The following STOX2 variants were observed in gnomAD, a reference collection of about 807,000 sequenced individuals.
STOX2 encodes the protein storkhead-box protein 2.
STOX2 carries 28 observed loss-of-function variants against 60.9 expected under a neutral mutation model. The ratio of observed to expected loss-of-function variants is 0.46; its 90% CI spans 0.34 to 0.63. The LOEUF (loss-of-function observed/expected upper bound fraction) is 0.63. Ranked by LOEUF, STOX2 falls within the 30% of genes least tolerant of loss-of-function variation. STOX2 has a pLI of 0.01. For missense variants in STOX2, 1,024 were observed against 1,187.7 expected (o/e 0.86, Z 2.03); for synonymous variants, 472 against 463.9 (o/e 1.02, Z -0.22).
intron 1 of STOX2, among the ~76,000 whole-genome samples, chr4:183,802,922 G>T (rs1254778689): frequency 6.6e-6 from 1 of 152,062 alleles, no homozygotes; most frequent in Non-Finnish European, 1.5e-5. Flanking sequence ...CACCCGGCCC[G>T]TATCAGTCCA....
intron 1 of STOX2, among the ~76,000 whole-genome samples, chr4:183,939,551 A>G (rs1394411038): frequency 2.6e-5 from 4 of 152,000 alleles, no homozygotes; most frequent in African/African-American, 9.7e-5. Flanking sequence ...TAGGACTTAG[A>G]TGTACGCTTT....
In STOX2 at chr4:183,806,886, G is replaced by T. The variant is rs1184500918; in HGVS notation, c.364+8831G>T. 3.9e-5 allele frequency among the ~76,000 whole-genome samples: 6 copies of T among 152,120 alleles called. No individual in the cohort carries two copies. Among genetic ancestry groups the T allele is most frequent in the Non-Finnish European group, 1.5e-5 (1 of 68,012 alleles). On this transcript the variant is annotated intron_variant, in intron 1 of 2. Coordinates refer to the STOX2 transcript ENST00000513034. The surrounding 1 kb of genome is among the most constrained non-coding windows in gnomAD (Gnocchi z 4.1). ...GTCTTCAGAGATTCCAGACTCCCCC[G>T]CATGCACTGCCCCCACGGCCCCACA...
In STOX2 at chr4:183,892,559, C is replaced by T. The variant is rs897673438; in HGVS notation, c.364+94504C>T. On this transcript the variant is annotated intron_variant, in intron 1 of 2. Coordinates refer to the STOX2 transcript ENST00000513034. ...CTTCCCAAAGTGCTGGGATTACAGG[C>T]GTGAGCCACCGCGCCCGGCCCATTC... Among the ~76,000 whole-genome samples the T allele has an allele frequency of 5.9e-5, 9 of 152,324 alleles. No individual in the cohort carries two copies. The South Asian group carries it at 6.2e-4, about 11-fold the overall frequency.
intron 3 of STOX2, among the ~76,000 whole-genome samples, chr4:184,012,160 G>A (rs1347089522): frequency 6.6e-6 from 1 of 152,250 alleles, no homozygotes; most frequent in Non-Finnish European, 1.5e-5. Context: ...TCAAGAGTTA[G>A]TGGTGCCCAG....
rs1162354132 is a variant in STOX2, at chr4:183,923,036, G to A, written c.166+16080G>A. On this transcript the variant is annotated intron_variant, in intron 1 of 3. Coordinates refer to ENST00000308497, the MANE Select transcript of STOX2 (RefSeq NM_020225.3). ...TTTGTTTATTCATTCACCTGTTGATGGACATTTGAGTTCCCACTATTTTGC... is the reference window on the plus strand; with the variant it reads ...TTTGTTTATTCATTCACCTGTTGATAGACATTTGAGTTCCCACTATTTTGC... 4.6e-5 allele frequency among the ~76,000 whole-genome samples: 7 copies of A among 152,176 alleles called. No individual in the cohort carries two copies. In the East Asian group the frequency reaches 1.3e-3, roughly 29 times the overall value.
intron 1 of STOX2, among the ~76,000 whole-genome samples, chr4:183,847,611 G>A (rs542253865): frequency 6.6e-6 from 1 of 152,238 alleles, no homozygotes; most frequent in South Asian, 2.1e-4. Flanking sequence ...CAAGAAAGTG[G>A]GTTGCTGTCT....
At chr4:183,877,847 A>T (rs1352724032) in intron 1 of STOX2, among the ~76,000 whole-genome samples, 1 of 149,358 alleles carries the variant, frequency 6.7e-6, no homozygotes, top group African/African-American at 2.5e-5. Context: ...CACCTGACTA[A>T]TTTTTTTTTT....
rs899232004 is a variant in STOX2, at chr4:184,020,794, A to T, written c.*3510A>T. 1 of 152,198 alleles carries T rather than the reference A, an allele frequency of 6.6e-6. No homozygotes were observed. The highest frequency in any genetic ancestry group is 2.4e-5 in the African/African-American group (1 of 41,452). The allele number at this position is 152,198 out of a possible 1,614,324, so 9.4% of individuals were successfully genotyped here. A position where few individuals can be genotyped will look rare whatever the true frequency, so the allele number is the denominator to read the frequency against. ...TGATGTTGTGAAGGTCAGGTTCAGG[A>T]AGCATCAATTCACAGTTAATCCGGA... On this transcript the variant is annotated 3_prime_UTR_variant, in exon 4 of 4. Transcript: ENST00000308497.
intron 1 of STOX2, among the ~76,000 whole-genome samples, chr4:183,823,619 T>C (rs1369627872): frequency 1.3e-5 from 2 of 152,194 alleles, no homozygotes; most frequent in Non-Finnish European, 2.9e-5. Flanking sequence ...AGTCACCAGA[T>C]GTCTGGCCCA....
intron 1 of STOX2, among the ~76,000 whole-genome samples, chr4:183,858,545 A>G (rs1196101615): frequency 6.6e-5 from 10 of 152,154 alleles, no homozygotes; most frequent in African/African-American, 2.4e-4. Flanking sequence ...AAAGTTACCC[A>G]AGTGGTTCAT....
intron 1 of STOX2, among the ~76,000 whole-genome samples, chr4:183,895,839 A>G (rs565291630): frequency 6.6e-6 from 1 of 152,324 alleles, no homozygotes; most frequent in South Asian, 2.1e-4. Flanking sequence ...TGCATTATTA[A>G]TACAATGAGG....
chr4:183,959,350 G>GGTGATATTC lies in STOX2; in HGVS notation c.167-41970_167-41962dup, dbSNP rs529548500. Among the ~76,000 whole-genome samples the GGTGATATTC allele has an allele frequency of 2.4e-4, 37 of 152,242 alleles. No individual in the cohort carries two copies. In the South Asian group the frequency reaches 4.4e-3, roughly 18 times the overall value. On this transcript the variant is annotated intron_variant, in intron 1 of 3. Transcript: ENST00000308497. ...GGGCGGAAGGGGGGGTTTTCAAAAAGGTGATATTCGTGAGGCAGCCATCGC... is the reference window on the plus strand; with the variant it reads ...GGGCGGAAGGGGGGGTTTTCAAAAAGGTGATATTCGTGATATTCGTGAGGCAGCCATCGC...
At position 183,798,032 on chromosome 4, in the gene STOX2, C is replaced by G; in HGVS notation, c.341C>G (p.Ser114Trp). 7.3e-6 allele frequency: 9 copies of G among 1,230,050 alleles called. 1 individual carries two copies. Among genetic ancestry groups the G allele is most frequent in the Non-Finnish European group, 9.1e-6 (9 of 986,954 alleles). The allele number at this position is 1,230,050 out of a possible 1,614,324, so 76.2% of individuals were successfully genotyped here. Residue 114 changes from serine (S) to tryptophan (W), a missense_variant, in exon 1 of 3, where the codon TCG becomes TGG. Transcript: ENST00000513034. ...ACGCGCCGGGCCCTGCGGCCGCCCT[C>G]GGGCTTCCACATCCGCTGCCTGGGT...
intron 1 of STOX2, among the ~76,000 whole-genome samples, chr4:183,891,306 ATATCTATGATGGAATATATATATC>A (rs1369846997): frequency 5.0e-4 from 5 of 9,948 alleles, no homozygotes; most frequent in Non-Finnish European, 2.1e-3. Flanking sequence ...ATATATATAT[ATATCTATGATGGAATATATATATC>A]TATGATGGAA....
intron 1 of STOX2, among the ~76,000 whole-genome samples, chr4:183,874,610 G>A (rs1211780013): frequency 6.9e-6 from 1 of 145,312 alleles, no homozygotes; most frequent in Non-Finnish European, 1.5e-5. Context: ...TGTAGAACAG[G>A]GCACTTATAT....
chr4:183,908,833 A>G (rs1741698288), intron 1 of STOX2, among the ~76,000 whole-genome samples: 1 of 152,124 alleles, frequency 6.6e-6, no homozygotes, highest in African/African-American at 2.4e-5. Flanking sequence ...TTCAGATTCA[A>G]TGTTAGGTTA....
At chr4:183,815,431 C>T (rs1301289913) in intron 1 of STOX2, among the ~76,000 whole-genome samples, 1 of 152,044 alleles carries the variant, frequency 6.6e-6, no homozygotes, top group East Asian at 1.9e-4. Context: ...AAATTTATTT[C>T]AGTTACAACA....
intron 1 of STOX2, among the ~76,000 whole-genome samples, chr4:183,819,434 A>G (rs181041388): frequency 0.022 from 3,307 of 151,956 alleles, 103 homozygotes; most frequent in African/African-American, 0.076. Flanking sequence ...AATCGCAGGC[A>G]CTGGGCAGGT....
rs1409904671 is a variant in STOX2, at chr4:184,001,232, C to T, written c.167-93C>T. ...TATGTTCGGAGCTGACTGTGTTCGT[C>T]AGACCAGGGCCAGATGGACGCGTGA... On this transcript the variant is annotated intron_variant, in intron 1 of 3. Coordinates refer to ENST00000308497, the MANE Select transcript of STOX2 (RefSeq NM_020225.3). The surrounding 1 kb of genome is among the most constrained non-coding windows in gnomAD (Gnocchi z 4.2). 7.7e-7 allele frequency: 1 copy of T among 1,293,504 alleles called. No homozygotes were observed. The highest frequency in any genetic ancestry group is 1.4e-5 in the South Asian group (1 of 72,626). 80.1% of individuals were successfully genotyped at this position (1,293,504 alleles called of 1,614,324 possible). A position where few individuals can be genotyped will look rare whatever the true frequency, so the allele number is the denominator to read the frequency against.
Sources: allele counts gnomAD v4.1 joint callset (sites outside exome capture counted in the v4.1 genomes callset), GRCh38; gene constraint gnomAD v4.1.1; non-coding constraint Gnocchi (gnomAD v3.1); transcripts MANE v1.5; gene names NCBI Gene and HGNC (gene_info 2026-07-23, HGNC 2026-07-21).